WRAP73: variants seen among roughly 807,000 people sequenced by gnomAD.
WRAP73 encodes the protein WD repeat containing, antisense to TP73.
WRAP73 carries 55 observed loss-of-function variants against 59.6 expected under a neutral mutation model. The observed-to-expected ratio is 0.92, with a 90% CI of 0.74 to 1.15. WRAP73 has a LOEUF of 1.15. Among genes scored for constraint, WRAP73 ranks in the 50% most tolerant of loss-of-function variants. WRAP73 has a pLI of 0.00. For synonymous variants in WRAP73, 265 were observed against 258.2 expected (o/e 1.03, Z -0.25); for missense variants, 592 against 608.1 (o/e 0.97, Z 0.28).
Position 3,650,092 on chromosome 1 carries a change from AG to A in WRAP73, c.-94del. On this transcript the variant is annotated 5_prime_UTR_variant, in exon 1 of 12. Coordinates refer to ENST00000270708, the MANE Select transcript of WRAP73 (RefSeq NM_017818.4). ...CTGCAACAGCCGACGCCGGCCTCCG[AG>A]GCCGGAAGTCAGAAGGCGGAAGTGA... is the stretch of plus-strand genomic sequence containing the variant. 7.5e-7 allele frequency: 1 copy of A among 1,329,766 alleles called. No homozygotes were observed. Among genetic ancestry groups the A allele is most frequent in the South Asian group, 1.4e-5 (1 of 69,682 alleles). The allele number at this position is 1,329,766 out of a possible 1,614,324, so 82.4% of individuals were successfully genotyped here.
At chr1:3,631,140 A>C in intron 11 of WRAP73, 23 bp from the exon 12 acceptor site, 1 of 1,612,910 alleles carries the variant, frequency 6.2e-7, no homozygotes, top group Non-Finnish European at 8.5e-7. Context: ...AGGTGGCCAG[A>C]GGATTACAGC....
intron 3 of WRAP73, among the ~76,000 whole-genome samples, chr1:3,645,671 T>C (rs1323514733): frequency 6.6e-6 from 1 of 152,250 alleles, no homozygotes; most frequent in Non-Finnish European, 1.5e-5. Flanking sequence ...TCCATTTTTC[T>C]GTATCTTAAA....
chr1:3,645,900 T>A (rs1031790633), intron 3 of WRAP73, among the ~76,000 whole-genome samples: 1 of 152,168 alleles, frequency 6.6e-6, no homozygotes, highest in South Asian at 2.1e-4. Context: ...GCCAGGCTCC[T>A]GAAGGAAAGG....
chr1:3,638,903 C>A, intron 3 of WRAP73, 81 bp from the exon 4 acceptor site: 1 of 1,512,874 alleles, frequency 6.6e-7, no homozygotes, highest in South Asian at 1.1e-5. Flanking sequence ...CCCGCCCACG[C>A]GTCCCCAAGC....
intron 9 of WRAP73, chr1:3,633,008 A>C: frequency 3.9e-6 from 1 of 258,414 alleles, no homozygotes; most frequent in Non-Finnish European, 7.5e-6. Flanking sequence ...CAGAGTCAAG[A>C]GGCTGCATCA....
rs767692652 is a variant in WRAP73 at position 3,635,286 on chromosome 1, A to T, written c.612T>A (p.Ile204=). 2.5e-6 allele frequency: 4 copies of T among 1,613,808 alleles called. No individual in the cohort carries two copies. Among genetic ancestry groups the T allele is most frequent in the East Asian group, 2.2e-5 (1 of 44,882 alleles). ...AVWDTCLEYK[I]LLYSLDGRLL... is the part of the protein sequence containing the mutation. ...ACCGGCCATCCAATGAGTACAGCAG[A>T]ATCTTGTACTGCAGATGAGACATTT... The change falls in exon 7 of 12, where the codon ATT becomes ATA. Residue 204 remains isoleucine (I), a synonymous_variant. Transcript: ENST00000270708.
intron 4 of WRAP73, among the ~76,000 whole-genome samples, chr1:3,637,591 C>T (rs545482596): frequency 6.6e-6 from 1 of 152,272 alleles, no homozygotes; most frequent in South Asian, 2.1e-4. Flanking sequence ...CCTGTAATCC[C>T]GGCACTTTGG....
chr1:3,642,028 G>A (rs1644651112), intron 3 of WRAP73, among the ~76,000 whole-genome samples: 1 of 152,208 alleles, frequency 6.6e-6, no homozygotes. Flanking sequence ...GCTTCACTAG[G>A]AAATCTGTTT....
At chr1:3,642,563 C>A (rs919759439) in intron 3 of WRAP73, among the ~76,000 whole-genome samples, 1 of 152,048 alleles carries the variant, frequency 6.6e-6, no homozygotes, top group Non-Finnish European at 1.5e-5. Flanking sequence ...ACATGAGAAA[C>A]CCCATCTCTA....
chr1:3,631,884 T>A (rs994624097), intron 10 of WRAP73: 152 of 1,209,070 alleles, frequency 1.3e-4, no homozygotes, highest in Non-Finnish European at 1.5e-4. Context: ...CTTTCTTTGG[T>A]ATTTTTTTTT....
intron 9 of WRAP73, 126 bp downstream of exon 9, chr1:3,633,272 G>T: frequency 1.1e-6 from 1 of 886,110 alleles, no homozygotes; most frequent in Non-Finnish European, 1.8e-6. Context: ...GGGGCACACT[G>T]GCTGGAAGCA....
chr1:3,631,645 T>A lies in WRAP73; in HGVS notation c.1061A>T (p.Asn354Ile). The change falls in exon 11 of 12, where the codon AAT (asparagine) becomes ATT (isoleucine). Residue 354 changes from asparagine to isoleucine, a missense_variant. Physicochemically the swap from Asn to Ile is moderately radical, Grantham distance 149. Transcript: ENST00000270708. ...CTGAATGTCCCAGACCCAGACGGCA[T>A]TGGGAATGTTGTCTGAGGAAGGAAG... Reference protein sequence around the residue: ...FLATRNDNIPNAVWVWDIQKL... With the variant: ...FLATRNDNIPIAVWVWDIQKL... The A allele has an allele frequency of 1.3e-6, 2 of 1,593,450 alleles. No homozygotes were observed. The highest frequency in any genetic ancestry group is 1.7e-6 in the Non-Finnish European group (2 of 1,174,558).
Position 3,646,611 on chromosome 1 carries a change from G to C in WRAP73, c.339+55C>G. The C allele has an allele frequency of 1.4e-6, 2 of 1,465,820 alleles. No homozygotes were observed. Among genetic ancestry groups the C allele is most frequent in the East Asian group, 2.3e-5 (1 of 42,984 alleles). 90.8% of individuals were successfully genotyped at this position (1,465,820 alleles called of 1,614,324 possible). ...CCCTCTCGCACTCCCCAGCTGTTTCGAGAGCAGAGGACAGGATCACATGGC... is the reference window on the plus strand; with the variant it reads ...CCCTCTCGCACTCCCCAGCTGTTTCCAGAGCAGAGGACAGGATCACATGGC... On this transcript the variant is annotated intron_variant, in intron 3 of 11. Transcript: ENST00000270708. The surrounding 1 kb of genome is among the most constrained non-coding windows in gnomAD (Gnocchi z 5.1).
Position 3,639,443 on chromosome 1 carries a change from G to C in WRAP73, c.340-621C>G, listed in dbSNP as rs1644617880. On this transcript the variant is annotated intron_variant, in intron 3 of 11. Coordinates refer to ENST00000270708, the MANE Select transcript of WRAP73 (RefSeq NM_017818.4). This position sits in a 1 kb window ranked among gnomAD's most constrained non-coding sequence, Gnocchi z 4.3. ...AGAGCTGACTAGGCTGGCACAGTGAGGCCAAAAGATGATTTTCTAACCAGG... is the reference window on the plus strand; with the variant it reads ...AGAGCTGACTAGGCTGGCACAGTGACGCCAAAAGATGATTTTCTAACCAGG... 6.6e-6 allele frequency: 1 copy of C among 152,530 alleles called. No homozygotes were observed. Among genetic ancestry groups the C allele is most frequent in the African/African-American group, 2.4e-5 (1 of 41,470 alleles). The allele number at this position is 152,530 out of a possible 1,614,324, so 9.4% of individuals were successfully genotyped here.
rs371979187 is a variant in WRAP73, at chr1:3,633,512, C to T, written c.817-9G>A. 2,414 of 1,581,384 alleles carry T rather than the reference C, an allele frequency of 1.5e-3. 1 individual carries two copies. The highest frequency in any genetic ancestry group is 1.9e-3 in the Non-Finnish European group (2,246 of 1,167,436). On this transcript the variant is annotated splice_polypyrimidine_tract_variant and intron_variant, in intron 8 of 11. Coordinates refer to ENST00000270708, the MANE Select transcript of WRAP73 (RefSeq NM_017818.4). ...GCCTCCTTATACACCACCTGAAAGACACAAGGTGGCCACGCCCGGCTCAGG... is the reference window on the plus strand; with the variant it reads ...GCCTCCTTATACACCACCTGAAAGATACAAGGTGGCCACGCCCGGCTCAGG...
In WRAP73 at chr1:3,646,105, T is replaced by C. The variant is rs1468269073; in HGVS notation, c.339+561A>G. Among the ~76,000 whole-genome samples, 1 of 152,138 alleles carries C rather than the reference T, an allele frequency of 6.6e-6. No homozygotes were observed. Among genetic ancestry groups the C allele is most frequent in the African/African-American group, 2.4e-5 (1 of 41,438 alleles). ...CCACTATATACGCTCCCCGGCTCCC[T>C]CCAACCCCGCCAATCTACCAGCCAC... On this transcript the variant is annotated intron_variant, in intron 3 of 11. Coordinates refer to ENST00000270708, the MANE Select transcript of WRAP73 (RefSeq NM_017818.4). The surrounding 1 kb of genome is among the most constrained non-coding windows in gnomAD (Gnocchi z 5.1).
intron 1 of WRAP73, among the ~76,000 whole-genome samples, chr1:3,649,513 C>T (rs1644720542): frequency 6.6e-6 from 1 of 152,208 alleles, no homozygotes. Context: ...ACTGCCGATA[C>T]CCACCTTTCC....
intron 4 of WRAP73, among the ~76,000 whole-genome samples, chr1:3,638,337 C>A (rs1644607369): frequency 6.6e-6 from 1 of 152,206 alleles, no homozygotes; most frequent in Non-Finnish European, 1.5e-5. Context: ...ACAGGCAAGA[C>A]CTCCCCCTTT....
chr1:3,633,845 C>T (rs901302863), intron 8 of WRAP73: 34 of 223,538 alleles, frequency 1.5e-4, no homozygotes, highest in African/African-American at 7.4e-4. Flanking sequence ...AGAACACTTG[C>T]ACCAACACAG....
Sources: gnomAD v4.1 joint callset for allele counts (sites outside exome capture counted in the v4.1 genomes callset) on GRCh38, gnomAD v4.1.1 for gene constraint, Gnocchi (gnomAD v3.1) non-coding constraint, MANE v1.5 for transcripts, NCBI Gene and HGNC (gene_info 2026-07-23, HGNC 2026-07-21) for gene names.